Variants in PCDH15 observed in about 807,000 individuals in gnomAD.
The protein encoded by PCDH15 is protocadherin-15.
In PCDH15, 129 loss-of-function variants were observed where a neutral mutation model predicts 178.5. The ratio of observed to expected loss-of-function variants is 0.72; its 90% CI spans 0.63 to 0.84. PCDH15 has a LOEUF of 0.84. Among genes scored for constraint, PCDH15 ranks in the 40% least tolerant of loss-of-function variants. The pLI, the probability that PCDH15 is intolerant of heterozygous loss-of-function variation, is 0.00. For missense variants in PCDH15, 2,230 were observed against 2,099.9 expected (o/e 1.06, Z -1.21); for synonymous variants, 800 against 732.0 (o/e 1.09, Z -1.50).
intron 1 of PCDH15, among the ~76,000 whole-genome samples, chr10:54,740,770 A>G (rs1018821028): frequency 1.3e-5 from 2 of 152,056 alleles, no homozygotes; most frequent in African/African-American, 4.8e-5. Context: ...AGCCAAATAC[A>G]GAAAAACAAA....
At chr10:55,288,746 T>C (rs146745393) in intron 1 of PCDH15, among the ~76,000 whole-genome samples, 2 of 152,102 alleles carry the variant, frequency 1.3e-5, no homozygotes, top group East Asian at 1.9e-4. Flanking sequence ...TCATTGTATG[T>C]ACATACCACA....
intron 1 of PCDH15, among the ~76,000 whole-genome samples, chr10:54,674,424 A>G (rs374492571): frequency 1.3e-5 from 2 of 152,174 alleles, no homozygotes; most frequent in Non-Finnish European, 1.5e-5. Flanking sequence ...TATGAAATGT[A>G]TAGTCTAGAA....
At chr10:54,941,584 G>C (rs1333869631) in intron 2 of PCDH15, among the ~76,000 whole-genome samples, 2 of 152,030 alleles carry the variant, frequency 1.3e-5, no homozygotes, top group Non-Finnish European at 2.9e-5. Flanking sequence ...CCCAGCATCT[G>C]CCTGTTTTTG....
intron 3 of PCDH15, among the ~76,000 whole-genome samples, chr10:54,393,275 C>T (rs3858270): frequency 0.88 from 133,660 of 152,182 alleles, 58,780 homozygotes; most frequent in East Asian, 0.99. Context: ...ATATCTCCAA[C>T]TGTTACAGAG....
chr10:54,011,095 G>T (rs142313346), intron 20 of PCDH15, among the ~76,000 whole-genome samples: 4 of 149,668 alleles, frequency 2.7e-5, no homozygotes, highest in East Asian at 3.9e-4. Flanking sequence ...CCCAGCTCAG[G>T]CCAGCAGTGC....
intron 2 of PCDH15, among the ~76,000 whole-genome samples, chr10:55,341,778 TA>T (rs1565031719): frequency 6.8e-4 from 7 of 10,250 alleles, no homozygotes; most frequent in Non-Finnish European, 1.1e-3. Flanking sequence ...TATATATATA[TA>T]TATATATATA....
chr10:54,203,328 G>C (rs968469542), intron 10 of PCDH15, among the ~76,000 whole-genome samples: 4 of 152,144 alleles, frequency 2.6e-5, no homozygotes, highest in Admixed American at 1.3e-4. Flanking sequence ...AAATCCTCTT[G>C]ACATTCCATT....
intron 2 of PCDH15, among the ~76,000 whole-genome samples, chr10:55,569,308 C>G (rs1004397183): frequency 6.6e-5 from 10 of 151,832 alleles, no homozygotes; most frequent in African/African-American, 2.2e-4. Flanking sequence ...TGTGATAGAC[C>G]TTTACTGCAG....
chr10:53,900,517 T>A (rs535854594), intron 26 of PCDH15, among the ~76,000 whole-genome samples: 1 of 152,132 alleles, frequency 6.6e-6, no homozygotes, highest in East Asian at 1.9e-4. Flanking sequence ...TTTACACACC[T>A]TATTAAGACT....
At chr10:54,244,578 A>G (rs187017466) in intron 8 of PCDH15, among the ~76,000 whole-genome samples, 10 of 152,344 alleles carry the variant, frequency 6.6e-5, no homozygotes, top group Admixed American at 6.5e-4. Context: ...ATCGTTTTCC[A>G]CATAACTCAA....
At chr10:55,189,925 C>G (rs769342344) in intron 1 of PCDH15, among the ~76,000 whole-genome samples, 1 of 151,706 alleles carries the variant, frequency 6.6e-6, no homozygotes, top group Non-Finnish European at 1.5e-5. Context: ...ATGCATGATA[C>G]GGGCACACAA....
chr10:54,065,536 G>A (rs887085665), intron 18 of PCDH15, among the ~76,000 whole-genome samples: 7 of 152,204 alleles, frequency 4.6e-5, no homozygotes, highest in African/African-American at 1.7e-4. Context: ...TGGGATGCTG[G>A]AGTTGAATCG....
At chr10:54,749,743 C>T (rs1490024799) in intron 1 of PCDH15, among the ~76,000 whole-genome samples, 1 of 152,074 alleles carries the variant, frequency 6.6e-6, no homozygotes, top group Non-Finnish European at 1.5e-5. Context: ...ATGCAATTGA[C>T]AAAGTTAAAT....
rs779895626 is a variant in PCDH15, at chr10:54,664,157, T to A, written c.91+15A>T. On this transcript the variant is annotated intron_variant, in intron 2 of 37. Transcript: ENST00000644397. ...TCCTGGCTCGCTCTAAAGGTCAAGC[T>A]AAAAGCAACCTTACCATCATCATAC... is the stretch of plus-strand genomic sequence containing the variant. 1.9e-6 allele frequency: 3 copies of A among 1,605,708 alleles called. No homozygotes were observed. The highest frequency in any genetic ancestry group is 2.6e-6 in the Non-Finnish European group (3 of 1,173,372).
chr10:53,924,615 T>C (rs1349835629), intron 25 of PCDH15, among the ~76,000 whole-genome samples: 1 of 152,222 alleles, frequency 6.6e-6, no homozygotes, highest in Non-Finnish European at 1.5e-5. Flanking sequence ...CAGTGCAGGA[T>C]CCACTAGGTG....
intron 2 of PCDH15, among the ~76,000 whole-genome samples, chr10:55,043,617 G>C (rs1315448809): frequency 6.6e-6 from 1 of 151,916 alleles, no homozygotes; most frequent in Non-Finnish European, 1.5e-5. Flanking sequence ...GACTGAGGCG[G>C]GAGGTTCACT....
At chr10:55,452,405 A>G (rs1839455430) in intron 2 of PCDH15, among the ~76,000 whole-genome samples, 1 of 152,106 alleles carries the variant, frequency 6.6e-6, no homozygotes, top group Non-Finnish European at 1.5e-5. Context: ...AGAGTACAGT[A>G]TTTGTCCCAT....
At chr10:54,606,977 G>A (rs1565727099) in intron 2 of PCDH15, 1 of 151,978 alleles carries the variant, frequency 6.6e-6, no homozygotes. Flanking sequence ...ATAAAACAAA[G>A]GCTAAATGGT....
chr10:55,399,954 A>G (rs1174242069), intron 2 of PCDH15, among the ~76,000 whole-genome samples: 1 of 152,110 alleles, frequency 6.6e-6, no homozygotes, highest in East Asian at 1.9e-4. Context: ...CTTCCTTAAT[A>G]TCATTCTTCC....
Sources: gnomAD v4.1 joint callset for allele counts (sites outside exome capture counted in the v4.1 genomes callset) on GRCh38, gnomAD v4.1.1 for gene constraint, MANE v1.5 for transcripts, NCBI Gene and HGNC (gene_info 2026-07-23, HGNC 2026-07-21) for gene names.